The following CRACD variants were observed in gnomAD, a reference collection of about 807,000 sequenced individuals.
The protein encoded by CRACD is capping protein inhibiting regulator of actin dynamics, also known as capping protein-inhibiting regulator of actin dynamics.
CRACD carries 56 observed loss-of-function variants against 106.8 expected under a neutral mutation model. That is an observed-to-expected ratio of 0.52 (90% confidence interval 0.42 to 0.66). The LOEUF is 0.66. CRACD is among the 30% of genes least tolerant of loss of function. The pLI is 0.00. For missense variants in CRACD, 1,730 were observed against 1,623.2 expected (o/e 1.07, Z -1.13); for synonymous variants, 754 against 670.8 (o/e 1.12, Z -1.92).
intron 1 of CRACD, among the ~76,000 whole-genome samples, chr4:56,056,586 T>TA (rs35353231): frequency 0.4 from 54,394 of 136,834 alleles, 11,859 homozygotes; most frequent in African/African-American, 0.63. Context: ...CCTGTCTCTA[T>TA]AAAAAAAAAA....
intron 3 of CRACD, among the ~76,000 whole-genome samples, chr4:56,282,849 A>G (rs1743107706): frequency 6.6e-6 from 1 of 152,198 alleles, no homozygotes; most frequent in Non-Finnish European, 1.5e-5. Flanking sequence ...CTTGCTTTTC[A>G]TTGTTCCTTT....
chr4:56,113,570 A>G (rs1394840214), intron 1 of CRACD, among the ~76,000 whole-genome samples: 1 of 152,112 alleles, frequency 6.6e-6, no homozygotes, highest in East Asian at 1.9e-4. Flanking sequence ...AGGGGAAATG[A>G]GGGAGCTAAG....
chr4:56,120,158 G>A (rs1333943977), intron 1 of CRACD, among the ~76,000 whole-genome samples: 1 of 152,164 alleles, frequency 6.6e-6, no homozygotes, highest in Non-Finnish European at 1.5e-5. Context: ...TGACATGCAT[G>A]CCAGAACTCT....
Position 56,313,213 on chromosome 4 carries a change from C to T in CRACD, c.371C>T (p.Pro124Leu), listed in dbSNP as rs545617194. 4.3e-4 allele frequency: 696 copies of T among 1,614,030 alleles called. 11 individuals are homozygous for T. The South Asian group carries it at 7.2e-3, about 17-fold the overall frequency. Residue 124 changes from proline to leucine, a missense_variant, in exon 7 of 11, where the codon CCG becomes CTG. Physicochemically the swap from Pro to Leu is moderately conservative, Grantham distance 98. This residue lies in a region of CRACD where 1,620 missense variants were observed against 1,481.6 expected (regional missense o/e 1.09). Coordinates refer to ENST00000682029, the MANE Select transcript of CRACD (RefSeq NM_001393381.1). ...EMEEKVAPVK[P>L]SRPKRHFSSA... ...CCCCTACAGGTTGCTCCCGTTAAAC[C>T]GTCTCGGCCAAAAAGGCACTTCTCT...
At chr4:56,261,838 G>C (rs1267374218) in intron 2 of CRACD, among the ~76,000 whole-genome samples, 1 of 152,176 alleles carries the variant, frequency 6.6e-6, no homozygotes, top group Non-Finnish European at 1.5e-5. Context: ...TCCTTGCCTA[G>C]ACCTAGGTTA....
At chr4:56,245,762 G>C (rs1740645252) in intron 2 of CRACD, among the ~76,000 whole-genome samples, 1 of 152,166 alleles carries the variant, frequency 6.6e-6, no homozygotes, top group Non-Finnish European at 1.5e-5. Flanking sequence ...CCTATATTCT[G>C]TCTCAAACAC....
intron 1 of CRACD, among the ~76,000 whole-genome samples, chr4:56,105,669 A>G (rs1733926916): frequency 6.6e-6 from 1 of 152,172 alleles, no homozygotes; most frequent in Non-Finnish European, 1.5e-5. Flanking sequence ...ATGCCTTTCA[A>G]TGTAGCAAAC....
At chr4:56,059,425 G>C (rs980689833) in intron 1 of CRACD, among the ~76,000 whole-genome samples, 2 of 152,170 alleles carry the variant, frequency 1.3e-5, no homozygotes, top group African/African-American at 4.8e-5. Flanking sequence ...ACAGTGAGCC[G>C]AGATTGTGCC....
At chr4:56,313,161 A>T in intron 6 of CRACD, 36 bp from the exon 7 acceptor site, 1 of 1,586,112 alleles carries the variant, frequency 6.3e-7, no homozygotes, top group Non-Finnish European at 8.6e-7. Context: ...TTGTCTTCTG[A>T]TCCCAACTGA....
chr4:56,228,284 A>G (rs1739420709), intron 2 of CRACD, among the ~76,000 whole-genome samples: 2 of 152,174 alleles, frequency 1.3e-5, no homozygotes, highest in Admixed American at 6.5e-5. Flanking sequence ...AACACTCTTT[A>G]TGAGAAAAAA....
At chr4:56,240,927 C>T (rs1036601126) in intron 2 of CRACD, among the ~76,000 whole-genome samples, 4 of 152,198 alleles carry the variant, frequency 2.6e-5, no homozygotes, top group African/African-American at 9.7e-5. Context: ...TTAAGTCCAT[C>T]CGCACACCCA....
intron 1 of CRACD, among the ~76,000 whole-genome samples, chr4:56,107,808 T>G (rs1560452938): frequency 6.6e-6 from 1 of 152,340 alleles, no homozygotes; most frequent in East Asian, 1.9e-4. Context: ...GTTGTGGAGC[T>G]GACACATTTG....
intron 1 of CRACD, among the ~76,000 whole-genome samples, chr4:56,098,594 C>A (rs1037152738): frequency 6.6e-6 from 1 of 152,188 alleles, no homozygotes; most frequent in Non-Finnish European, 1.5e-5. Context: ...AACTCTACTT[C>A]TTCCACTTAC....
chr4:56,143,929 T>G (rs1377290681), intron 1 of CRACD, among the ~76,000 whole-genome samples: 1 of 152,106 alleles, frequency 6.6e-6, no homozygotes, highest in East Asian at 1.9e-4. Flanking sequence ...TAAAGCACAG[T>G]GTTGTAAATG....
At chr4:56,312,083 A>G (rs1270417472) in intron 6 of CRACD, among the ~76,000 whole-genome samples, 1 of 151,748 alleles carries the variant, frequency 6.6e-6, no homozygotes, top group Non-Finnish European at 1.5e-5. Flanking sequence ...TTTGCCGCTC[A>G]TTTTTCTCAT....
At chr4:56,202,208 ATG>A (rs1273483607) in intron 2 of CRACD, among the ~76,000 whole-genome samples, 1 of 152,162 alleles carries the variant, frequency 6.6e-6, no homozygotes, top group African/African-American at 2.4e-5. Context: ...AAAATTGACT[ATG>A]AGTGATTTTT....
intron 2 of CRACD, among the ~76,000 whole-genome samples, chr4:56,214,681 C>CTCTCTATATATA: frequency 0.025 from 1,996 of 80,930 alleles, 73 homozygotes; most frequent in East Asian, 0.054. Flanking sequence ...CTCTCTCTCT[C>CTCTCTATATATA]TATATATATA....
At chr4:56,312,051 G>A (rs1745192179) in intron 6 of CRACD, among the ~76,000 whole-genome samples, 2 of 152,024 alleles carry the variant, frequency 1.3e-5, no homozygotes, top group Admixed American at 6.6e-5. Context: ...TTGAAGGACC[G>A]CACTTGTCCC....
At chr4:56,162,077 T>TA (rs1474404121) in intron 1 of CRACD, among the ~76,000 whole-genome samples, 1 of 152,216 alleles carries the variant, frequency 6.6e-6, no homozygotes, top group African/African-American at 2.4e-5. Flanking sequence ...TAGCTAATGT[T>TA]AACCACAGCC....
Sources: allele counts gnomAD v4.1 joint callset (sites outside exome capture counted in the v4.1 genomes callset), GRCh38; gene constraint gnomAD v4.1.1; regional missense constraint gnomAD v4.1.1; transcripts MANE v1.5; gene names NCBI Gene and HGNC (gene_info 2026-07-23, HGNC 2026-07-21).